PPP4R2: variants seen among roughly 807,000 people sequenced by gnomAD.
The protein encoded by PPP4R2 is serine/threonine-protein phosphatase 4 regulatory subunit 2.
Under a neutral mutation model 47.2 loss-of-function variants are expected in PPP4R2, and 13 were observed. That is an observed-to-expected ratio of 0.28 (90% CI 0.18 to 0.44). The LOEUF (loss-of-function observed/expected upper bound fraction) is 0.44. PPP4R2 is among the 20% of genes least tolerant of loss of function. The probability of loss-of-function intolerance (pLI) is 1.00; values close to 1 mark genes in which losing one functional copy is unlikely to be tolerated. For synonymous variants in PPP4R2, 151 were observed against 163.3 expected (o/e 0.92, Z 0.57); for missense variants, 421 against 491.2 (o/e 0.86, Z 1.35).
At chr3:73,052,097 G>C (rs1466852107) in intron 3 of PPP4R2, among the ~76,000 whole-genome samples, 1 of 152,018 alleles carries the variant, frequency 6.6e-6, no homozygotes, top group African/African-American at 2.4e-5. Context: ...GGAATGACTA[G>C]GTGCGTGGAT....
chr3:73,007,748 C>T (rs180707132), intron 2 of PPP4R2, among the ~76,000 whole-genome samples: 34 of 152,284 alleles, frequency 2.2e-4, no homozygotes, highest in African/African-American at 7.7e-4. Context: ...CTCGGCTTCC[C>T]GAAGTGCTGG....
intron 2 of PPP4R2, among the ~76,000 whole-genome samples, chr3:73,012,596 CAGCCCTTTCTCAAAT>C (rs1701748294): frequency 6.6e-6 from 1 of 152,280 alleles, no homozygotes; most frequent in African/African-American, 2.4e-5. Flanking sequence ...CCACTGCGCC[CAGCCCTTTCTCAAAT>C]ATTTTCAATC....
intron 2 of PPP4R2, among the ~76,000 whole-genome samples, chr3:73,019,211 A>AGT: frequency 6.6e-6 from 1 of 152,196 alleles, no homozygotes; most frequent in Non-Finnish European, 1.5e-5. Context: ...CTAGGTGTAT[A>AGT]GTAGACTATA....
intron 2 of PPP4R2, among the ~76,000 whole-genome samples, chr3:73,023,547 C>T (rs1010166016): frequency 2.6e-5 from 4 of 152,076 alleles, no homozygotes; most frequent in Non-Finnish European, 2.9e-5. Flanking sequence ...TGAGATGAGG[C>T]ATAAGGTGTT....
In PPP4R2 at chr3:73,062,512, G is replaced by T. The variant is rs188731444; in HGVS notation, c.420-1161G>T. 1.9e-6 allele frequency: 3 copies of T among 1,613,860 alleles called. No homozygotes were observed. Among genetic ancestry groups the T allele is most frequent in the African/African-American group, 1.3e-5 (1 of 75,040 alleles). On this transcript the variant is annotated intron_variant, in intron 5 of 8. Transcript: ENST00000356692. ...TTACACCAGGCATTACTGAGTGTTG[G>T]TGTGAGCAAGAGGTCTAATACTGTG...
intron 2 of PPP4R2, among the ~76,000 whole-genome samples, chr3:73,031,512 A>T (rs1702163313): frequency 6.6e-6 from 1 of 152,086 alleles, no homozygotes; most frequent in African/African-American, 2.4e-5. Context: ...ATGGCACTCC[A>T]CCCTGGGCAA....
At chr3:73,065,328 T>C (rs551959841) in intron 8 of PPP4R2, 69 bp from the exon 9 acceptor site, 1 of 1,437,990 alleles carries the variant, frequency 7.0e-7, no homozygotes, top group African/African-American at 1.4e-5. Context: ...ATATCAGAAT[T>C]CATGAAACTT....
At chr3:73,040,929 A>T (rs1702366131) in intron 2 of PPP4R2, among the ~76,000 whole-genome samples, 1 of 152,190 alleles carries the variant, frequency 6.6e-6, no homozygotes. Flanking sequence ...AGTAAGGAGG[A>T]GGGAAAAAGG....
chr3:73,018,508 C>T (rs1269714603), intron 2 of PPP4R2, among the ~76,000 whole-genome samples: 1 of 91,102 alleles, frequency 1.1e-5, no homozygotes, highest in Non-Finnish European at 2.5e-5. Flanking sequence ...GGCTGGAGTG[C>T]AGTGATGTGT....
In PPP4R2 at chr3:73,067,359, A is replaced by G. The variant is rs1703019508; in HGVS notation, c.*1637A>G. The G allele has an allele frequency of 6.6e-6, 1 of 152,066 alleles. No individual in the cohort carries two copies. The highest frequency in any genetic ancestry group is 2.4e-5 in the African/African-American group (1 of 41,418). 9.4% of individuals were successfully genotyped at this position (152,066 alleles called of 1,614,324 possible). A position where few individuals can be genotyped will look rare whatever the true frequency, so the allele number is the denominator to read the frequency against. On this transcript the variant is annotated 3_prime_UTR_variant, in exon 9 of 9. Transcript: ENST00000356692. ...CAACCACAAGTTTTGCGTTTTGACTACTTAAATCATCATGGCTATAAATAC... is the reference window on the plus strand; with the variant it reads ...CAACCACAAGTTTTGCGTTTTGACTGCTTAAATCATCATGGCTATAAATAC...
At chr3:73,040,123 T>C (rs547873594) in intron 2 of PPP4R2, among the ~76,000 whole-genome samples, 1 of 152,346 alleles carries the variant, frequency 6.6e-6, no homozygotes, top group African/African-American at 2.4e-5. Flanking sequence ...GCAAAGGACC[T>C]GTTAACACAT....
chr3:73,000,279 A>C (rs1336577150), intron 2 of PPP4R2, among the ~76,000 whole-genome samples: 1 of 152,196 alleles, frequency 6.6e-6, no homozygotes, highest in East Asian at 1.9e-4. Context: ...GGCTGCAGTG[A>C]GCCATGATGG....
At chr3:73,058,946 C>CT in intron 3 of PPP4R2, 91 bp from the exon 4 acceptor site, 1 of 722,314 alleles carries the variant, frequency 1.4e-6, no homozygotes, top group Non-Finnish European at 2.3e-6. Flanking sequence ...ACATGGGTGA[C>CT]TAGATACAGC....
At chr3:73,052,530 G>A (rs1035935407) in intron 3 of PPP4R2, among the ~76,000 whole-genome samples, 1 of 152,030 alleles carries the variant, frequency 6.6e-6, no homozygotes, top group Non-Finnish European at 1.5e-5. Flanking sequence ...TATAATTTAG[G>A]AATTGCTAAT....
intron 2 of PPP4R2, among the ~76,000 whole-genome samples, chr3:73,000,617 C>G (rs948786212): frequency 6.6e-6 from 1 of 152,120 alleles, no homozygotes; most frequent in Middle Eastern, 3.2e-3. Context: ...TTAAAATTAC[C>G]TGTAAACATC....
intron 2 of PPP4R2, among the ~76,000 whole-genome samples, chr3:73,016,732 TA>T (rs1252312151): frequency 2.5e-5 from 3 of 120,920 alleles, no homozygotes; most frequent in African/African-American, 6.6e-5. Flanking sequence ...GTTCATTGTT[TA>T]TTTTTATTAT....
chr3:73,018,465 A>ATGTTATGTTATTTAT (rs1295553516), intron 2 of PPP4R2, among the ~76,000 whole-genome samples: 4 of 88,844 alleles, frequency 4.5e-5, no homozygotes, highest in African/African-American at 1.5e-4. Flanking sequence ...ATGTTATGTT[A>ATGTTATGTTATTTAT]GTATCCGAAA....
chr3:73,006,920 T>C (rs771453549), intron 2 of PPP4R2, among the ~76,000 whole-genome samples: 10 of 137,460 alleles, frequency 7.3e-5, no homozygotes, highest in Non-Finnish European at 1.3e-4. Context: ...GTCATGTGAC[T>C]ATCAGTTTTT....
intron 4 of PPP4R2, 123 bp from the exon 5 acceptor site, chr3:73,060,900 T>C: frequency 3.5e-6 from 2 of 570,554 alleles, no homozygotes; most frequent in Non-Finnish European, 5.8e-6. Context: ...CCATTTTCCT[T>C]TACTAGCAAA....
Sources: gnomAD v4.1 joint callset for allele counts (sites outside exome capture counted in the v4.1 genomes callset) on GRCh38, gnomAD v4.1.1 for gene constraint, MANE v1.5 for transcripts, NCBI Gene and HGNC (gene_info 2026-07-23, HGNC 2026-07-21) for gene names.